The following USP48 variants were observed in gnomAD, a reference collection of about 807,000 sequenced individuals.
USP48 encodes the protein ubiquitin carboxyl-terminal hydrolase 48.
A neutral mutation model predicts 150.7 loss-of-function variants in USP48; 43 were observed. The observed-to-expected ratio is 0.29, with a 90% CI of 0.22 to 0.37. USP48 has a LOEUF of 0.37. Ranked by LOEUF, USP48 falls within the 10% of genes least tolerant of loss-of-function variation. The pLI is 1.00. For synonymous variants in USP48, 396 were observed against 425.9 expected (o/e 0.93, Z 0.86); for missense variants, 813 against 1,249.6 (o/e 0.65, Z 5.27).
chr1:21,731,409 G>T (rs968642891), intron 9 of USP48, among the ~76,000 whole-genome samples: 1 of 151,656 alleles, frequency 6.6e-6, no homozygotes, highest in Non-Finnish European at 1.5e-5. Flanking sequence ...GATTACAGGC[G>T]TGTGTCACCA....
At position 21,706,169 on chromosome 1, in the gene USP48, TG is replaced by T. The variant is rs1557458529; in HGVS notation, c.2229del (p.Tyr743Ter). The T allele has an allele frequency of 6.2e-7, 1 of 1,613,892 alleles. No homozygotes were observed. Among genetic ancestry groups the T allele is most frequent in the Non-Finnish European group, 8.5e-7 (1 of 1,179,922 alleles). The stretch of plus-strand genomic sequence containing the variant: ...TCTTCTACAAAGAACTGAGACACGA[TG>T]TAGAGGACATCCGTATCCTAGAACA... ...SNWPEDTDVL[Y>X]IVSQFFVEEW... On this transcript the variant is annotated frameshift_variant, in exon 18 of 27. Transcript: ENST00000308271. LOFTEE classifies it high-confidence loss of function.
At chr1:21,739,625 A>C (rs1261138926) in intron 8 of USP48, among the ~76,000 whole-genome samples, 1 of 152,114 alleles carries the variant, frequency 6.6e-6, no homozygotes, top group African/African-American at 2.4e-5. Flanking sequence ...AAATCAAGCT[A>C]ATATATCCAT....
At position 21,690,131 on chromosome 1, in the gene USP48, T is replaced by C. The variant is rs1481192602; in HGVS notation, c.2884-32A>G. On this transcript the variant is annotated intron_variant, in intron 23 of 26. Transcript: ENST00000308271. ...CAATATAAAAGAGAGAAAGTCCGTA[T>C]AATGCAAAATACTAAGACTTATACC... The C allele has an allele frequency of 4.4e-6, 7 of 1,593,648 alleles. No homozygotes were observed. In the African/African-American group the frequency reaches 9.6e-5, roughly 22 times the overall value.
chr1:21,695,317 A>T, intron 22 of USP48, 96 bp from the exon 23 acceptor site: 1 of 1,318,046 alleles, frequency 7.6e-7, no homozygotes, highest in Non-Finnish European at 1.0e-6. Context: ...CTGTTTCCTT[A>T]TTGGTCCCTT....
chr1:21,752,048 A>T (rs2097816938), intron 5 of USP48, among the ~76,000 whole-genome samples: 1 of 151,956 alleles, frequency 6.6e-6, no homozygotes, highest in Admixed American at 6.6e-5. Context: ...AGAAATAAAA[A>T]CAAAGTGCCT....
chr1:21,701,427 CA>C (rs1283251955), intron 22 of USP48, 70 bp downstream of exon 22: 1 of 1,333,920 alleles, frequency 7.5e-7, no homozygotes, highest in Non-Finnish European at 1.1e-6. Context: ...GAGACATGGC[CA>C]GGGGCTTCGA....
intron 22 of USP48, among the ~76,000 whole-genome samples, chr1:21,695,923 C>T (rs914490744): frequency 1.3e-5 from 2 of 151,924 alleles, no homozygotes; most frequent in Non-Finnish European, 2.9e-5. Flanking sequence ...AAGACTTTAC[C>T]ACTTGTCCTA....
chr1:21,782,887 G>A lies in USP48; in HGVS notation c.71C>T (p.Ser24Leu), dbSNP rs1486135828. Residue 24 changes from serine (S) to leucine (L), a missense_variant, in exon 1 of 27, where the codon TCG (serine) becomes TTG (leucine). By Grantham distance (145) the Ser-to-Leu change is moderately radical. Transcript: ENST00000308271. ...WAETVRPEEVSQEHIETAYRI... is the reference protein window; with the variant it reads ...WAETVRPEEVLQEHIETAYRI... ...GTAAGCGGTCTCGATGTGCTCCTGCGACACCTCCTCGGGCCGCACCGTCTC... is the reference window on the plus strand; with the variant it reads ...GTAAGCGGTCTCGATGTGCTCCTGCAACACCTCCTCGGGCCGCACCGTCTC... 3 of 1,556,986 alleles carry A rather than the reference G, an allele frequency of 1.9e-6. No homozygotes were observed. Among genetic ancestry groups the A allele is most frequent in the Admixed American group, 1.9e-5 (1 of 52,044 alleles).
intron 6 of USP48, among the ~76,000 whole-genome samples, chr1:21,749,994 C>A (rs1571964741): frequency 6.6e-6 from 1 of 152,240 alleles, no homozygotes; most frequent in East Asian, 1.9e-4. Context: ...TCCAAGACAC[C>A]ATGCACTCCC....
intron 9 of USP48, among the ~76,000 whole-genome samples, chr1:21,732,290 A>T (rs1350661142): frequency 2.6e-5 from 4 of 152,128 alleles, no homozygotes; most frequent in Admixed American, 6.5e-5. Flanking sequence ...AAAACAAAAA[A>T]AGAGGTTATG....
At chr1:21,716,905 G>A (rs1290885080) in intron 14 of USP48, among the ~76,000 whole-genome samples, 2 of 152,134 alleles carry the variant, frequency 1.3e-5, no homozygotes, top group Admixed American at 6.6e-5. Context: ...GCGGGCCCCT[G>A]TAGTCCCAGC....
intron 1 of USP48, among the ~76,000 whole-genome samples, chr1:21,762,865 CAAA>C (rs34834573): frequency 3.5e-4 from 27 of 76,338 alleles, no homozygotes; most frequent in African/African-American, 9.1e-4. Flanking sequence ...GACTTCATCT[CAAA>C]AAAAAAAAAA....
chr1:21,783,117 G>T lies in USP48; in HGVS notation c.-160C>A, dbSNP rs967824937. The T allele has an allele frequency of 8.7e-5, 95 of 1,085,900 alleles. No homozygotes were observed. The highest frequency in any genetic ancestry group is 1.0e-4 in the Non-Finnish European group (85 of 828,548). The allele number at this position is 1,085,900 out of a possible 1,614,324, so 67.3% of individuals were successfully genotyped here. Reference sequence around the variant, plus strand: ...CACCTGTGCGCGCCACTGCCGCCGCGCCCGCCCGCGCCCGACCCGCACGAC... The same window carrying T: ...CACCTGTGCGCGCCACTGCCGCCGCTCCCGCCCGCGCCCGACCCGCACGAC... On this transcript the variant is annotated 5_prime_UTR_variant, in exon 1 of 27. Coordinates refer to ENST00000308271, the MANE Select transcript of USP48 (RefSeq NM_032236.8).
chr1:21,760,512 G>A (rs1040994848), intron 1 of USP48, among the ~76,000 whole-genome samples: 49 of 150,526 alleles, frequency 3.3e-4, no homozygotes, highest in African/African-American at 1.1e-3. Flanking sequence ...TCAGGAGTTC[G>A]AGACCAGCCT....
intron 9 of USP48, among the ~76,000 whole-genome samples, chr1:21,731,697 A>C (rs563968628): frequency 5.3e-4 from 80 of 152,136 alleles, no homozygotes; most frequent in African/African-American, 1.9e-3. Flanking sequence ...CCTGGCCAAC[A>C]CAGTAAAAGC....
chr1:21,713,328 CA>C (rs2097695504), intron 15 of USP48, among the ~76,000 whole-genome samples: 1 of 152,128 alleles, frequency 6.6e-6, no homozygotes, highest in Admixed American at 6.5e-5. Flanking sequence ...AGGCTAGTCT[CA>C]AACTCTTGGA....
chr1:21,783,073 A>C lies in USP48; in HGVS notation c.-116T>G. 3 of 1,360,924 alleles carry C rather than the reference A, an allele frequency of 2.2e-6. No homozygotes were observed. Among genetic ancestry groups the C allele is most frequent in the Non-Finnish European group, 2.8e-6 (3 of 1,054,904 alleles). 84.3% of individuals were successfully genotyped at this position (1,360,924 alleles called of 1,614,324 possible). A position where few individuals can be genotyped will look rare whatever the true frequency, so the allele number is the denominator to read the frequency against. Reference sequence around the variant, plus strand: ...AGCAAGGAGGACCTGGCGCTCCTTCAGGCAGCTGGCCAGTCAATCACCTGT... The same window carrying C: ...AGCAAGGAGGACCTGGCGCTCCTTCCGGCAGCTGGCCAGTCAATCACCTGT... On this transcript the variant is annotated 5_prime_UTR_variant, in exon 1 of 27. Transcript: ENST00000308271.
intron 25 of USP48, chr1:21,686,124 T>A (rs1389252142): frequency 6.6e-6 from 1 of 152,196 alleles, no homozygotes; most frequent in African/African-American, 2.4e-5. Context: ...AAGCATGTCA[T>A]CTGCAAAGAG....
intron 1 of USP48, among the ~76,000 whole-genome samples, chr1:21,780,660 A>C (rs2097912010): frequency 6.6e-6 from 1 of 151,812 alleles, no homozygotes; most frequent in South Asian, 2.1e-4. Flanking sequence ...GTATTTTAGG[A>C]TTCCATTTAT....
Sources: allele counts gnomAD v4.1 joint callset (sites outside exome capture counted in the v4.1 genomes callset), GRCh38; gene constraint gnomAD v4.1.1; transcripts MANE v1.5; gene names NCBI Gene and HGNC (gene_info 2026-07-23, HGNC 2026-07-21).